The following PSIP1 variants were observed in gnomAD, a reference collection of about 807,000 sequenced individuals.
The protein encoded by PSIP1 is PC4 and SFRS1-interacting protein.
In PSIP1, 19 loss-of-function variants were observed where a neutral mutation model predicts 74.7. That is an observed-to-expected ratio of 0.25 (90% CI 0.18 to 0.37). The LOEUF (loss-of-function observed/expected upper bound fraction) is 0.37, where lower values mean the gene tolerates loss of function less well. Ranked by LOEUF, PSIP1 falls within the 10% of genes least tolerant of loss-of-function variation. The pLI, the probability that PSIP1 is intolerant of heterozygous loss-of-function variation, is 1.00. For missense variants in PSIP1, 601 were observed against 614.3 expected (o/e 0.98, Z 0.23); for synonymous variants, 222 against 195.3 (o/e 1.14, Z -1.14).
At chr9:15,506,997 GAATT>G (rs2037621688) in intron 2 of PSIP1, among the ~76,000 whole-genome samples, 2 of 152,172 alleles carry the variant, frequency 1.3e-5, no homozygotes, top group African/African-American at 4.8e-5. Flanking sequence ...CCAGAATTCT[GAATT>G]GTTAATCATA....
At chr9:15,504,061 G>A (rs1037252843) in intron 3 of PSIP1, among the ~76,000 whole-genome samples, 26 of 152,116 alleles carry the variant, frequency 1.7e-4, no homozygotes, top group Admixed American at 2.6e-4. Context: ...TTAATCTTAA[G>A]TACAAAAGAA....
chr9:15,472,612 A>C lies in PSIP1; in HGVS notation c.977+20T>G, dbSNP rs745730112. On this transcript the variant is annotated intron_variant, in intron 10 of 15. Coordinates refer to ENST00000380733, the MANE Select transcript of PSIP1 (RefSeq NM_033222.5). ...AGCCTTTAAAAAGAACCCAAAATTT[A>C]GAAAAAAAAAAATACTTACTGCTCA... is the stretch of plus-strand genomic sequence containing the variant. 1 of 1,564,114 alleles carries C rather than the reference A, an allele frequency of 6.4e-7. No homozygotes were observed. The highest frequency in any genetic ancestry group is 1.2e-5 in the South Asian group (1 of 81,952).
intron 11 of PSIP1, 35 bp downstream of exon 11, chr9:15,469,903 T>C (rs1389181359): frequency 6.4e-6 from 10 of 1,553,078 alleles, no homozygotes; most frequent in Non-Finnish European, 8.8e-6. Context: ...TTTCCATGTA[T>C]AATTTTATGT....
At chr9:15,477,970 C>T (rs949201288) in intron 8 of PSIP1, among the ~76,000 whole-genome samples, 2 of 150,522 alleles carry the variant, frequency 1.3e-5, no homozygotes, top group African/African-American at 4.9e-5. Context: ...CCAGTCTCAT[C>T]AAAAAAAGTT....
chr9:15,500,496 G>A (rs2037290940), intron 3 of PSIP1, among the ~76,000 whole-genome samples: 1 of 151,850 alleles, frequency 6.6e-6, no homozygotes, highest in South Asian at 2.1e-4. Flanking sequence ...TGAATAAACA[G>A]TTCATCTCAT....
intron 4 of PSIP1, among the ~76,000 whole-genome samples, chr9:15,488,329 TCAA>T (rs1011878942): frequency 1.3e-5 from 2 of 151,916 alleles, no homozygotes; most frequent in South Asian, 4.2e-4. Context: ...AGACTCCATC[TCAA>T]CAACAACAAC....
intron 3 of PSIP1, among the ~76,000 whole-genome samples, chr9:15,503,935 T>C (rs1181613555): frequency 6.6e-6 from 1 of 152,088 alleles, no homozygotes; most frequent in South Asian, 2.1e-4. Context: ...TCAGTAGAGA[T>C]GGGGTTTCAC....
At chr9:15,490,301 C>T (rs189427222) in intron 3 of PSIP1, among the ~76,000 whole-genome samples, 177 bp from the exon 4 acceptor site, 1 of 152,294 alleles carries the variant, frequency 6.6e-6, no homozygotes, top group East Asian at 1.9e-4. Context: ...CAGTAACAAG[C>T]TACTATTTAA....
At chr9:15,470,360 T>C (rs532522591) in intron 10 of PSIP1, among the ~76,000 whole-genome samples, 19 of 152,240 alleles carry the variant, frequency 1.2e-4, no homozygotes, top group African/African-American at 3.6e-4. Context: ...AATTTAATCA[T>C]TGTGCATGTA....
chr9:15,472,974 AT>A (rs1943906353), intron 9 of PSIP1, among the ~76,000 whole-genome samples: 1 of 152,200 alleles, frequency 6.6e-6, no homozygotes, highest in Non-Finnish European at 1.5e-5. Flanking sequence ...TATAGGAGTG[AT>A]GTCCTTTGGA....
rs1439943753 is a variant in PSIP1, at chr9:15,465,091, C to A, written c.*429G>T. On this transcript the variant is annotated 3_prime_UTR_variant, in exon 16 of 16. Coordinates refer to ENST00000380733, the MANE Select transcript of PSIP1 (RefSeq NM_033222.5). ...AAATGTGTAACTTCTACAAAACCCA[C>A]AAACAGTGAAAAGACAGTCTGGTAA... 2 of 228,760 alleles carry A rather than the reference C, an allele frequency of 8.7e-6. No individual in the cohort carries two copies. The highest frequency in any genetic ancestry group is 1.7e-5 in the Non-Finnish European group (2 of 115,386). 14.2% of individuals were successfully genotyped at this position (228,760 alleles called of 1,614,324 possible).
At chr9:15,492,371 G>C (rs891855232) in intron 3 of PSIP1, 15 of 152,378 alleles carry the variant, frequency 9.8e-5, no homozygotes, top group African/African-American at 3.6e-4. Context: ...AATAGGGGCA[G>C]TCAAGTTCCA....
At chr9:15,487,617 A>C (rs577126124) in intron 4 of PSIP1, among the ~76,000 whole-genome samples, 286 of 152,292 alleles carry the variant, frequency 1.9e-3, no homozygotes, top group African/African-American at 5.4e-3. Flanking sequence ...AAACAACAAC[A>C]AAAAAGAAAT....
rs187271260 is a variant in PSIP1, at chr9:15,496,718, C to G, written c.150-6594G>C. Among the ~76,000 whole-genome samples, 216 of 152,146 alleles carry G rather than the reference C, an allele frequency of 1.4e-3. 2 individuals carry two copies. The highest frequency in any genetic ancestry group is 2.3e-3 in the Non-Finnish European group (154 of 67,986). On this transcript the variant is annotated intron_variant, in intron 3 of 15. Transcript: ENST00000380733. ...CATAAATTCACGTATCTTAATATACCAAAAATTAAATAACTATGTTCTTCC... is the reference window on the plus strand; with the variant it reads ...CATAAATTCACGTATCTTAATATACGAAAAATTAAATAACTATGTTCTTCC...
chr9:15,464,940 A>C lies in PSIP1; in HGVS notation c.*580T>G, dbSNP rs1231258795. 2 of 215,408 alleles carry C rather than the reference A, an allele frequency of 9.3e-6. No homozygotes were observed. The highest frequency in any genetic ancestry group is 1.4e-4 in the East Asian group (2 of 14,328). The allele number at this position is 215,408 out of a possible 1,614,324, so 13.3% of individuals were successfully genotyped here. ...ATTAGTTGTCATACCAAAAAAAACC[A>C]TACAGAGCACACATTGTTCCAAAGA... On this transcript the variant is annotated 3_prime_UTR_variant, in exon 16 of 16. Transcript: ENST00000380733.
At chr9:15,500,924 A>T (rs2132208532) in intron 3 of PSIP1, among the ~76,000 whole-genome samples, 1 of 152,366 alleles carries the variant, frequency 6.6e-6, no homozygotes, top group Non-Finnish European at 1.5e-5. Context: ...AAATACTACT[A>T]GAAGTCTTGG....
intron 4 of PSIP1, among the ~76,000 whole-genome samples, chr9:15,489,762 A>C (rs2036740625): frequency 6.6e-6 from 1 of 152,178 alleles, no homozygotes; most frequent in Admixed American, 6.5e-5. Flanking sequence ...GGAGTTAAAT[A>C]ACTGAATAGT....
intron 10 of PSIP1, chr9:15,471,695 C>T (rs1162706915): frequency 2.1e-6 from 2 of 963,200 alleles, no homozygotes; most frequent in Non-Finnish European, 2.5e-6. Flanking sequence ...GTATATCCTC[C>T]AAACTAAGAA....
At chr9:15,490,876 T>G (rs183234544) in intron 3 of PSIP1, among the ~76,000 whole-genome samples, 1 of 152,262 alleles carries the variant, frequency 6.6e-6, no homozygotes, top group East Asian at 1.9e-4. Flanking sequence ...TGTTAAGAAT[T>G]TTATTTTACT....
Sources: allele counts gnomAD v4.1 joint callset (sites outside exome capture counted in the v4.1 genomes callset), GRCh38; gene constraint gnomAD v4.1.1; transcripts MANE v1.5; gene names NCBI Gene and HGNC (gene_info 2026-07-23, HGNC 2026-07-21).